Variants in WRN observed in about 807,000 individuals in gnomAD.
The protein encoded by WRN is WRN RecQ like helicase.
In WRN, 149 loss-of-function variants were observed where a neutral mutation model predicts 180.7. The ratio of observed to expected loss-of-function variants is 0.82; its 90% CI spans 0.72 to 0.94. WRN has a LOEUF of 0.94. Ranked by LOEUF, WRN falls within the 40% of genes least tolerant of loss-of-function variation. The pLI, the probability that WRN is intolerant of heterozygous loss-of-function variation, is 0.00. For synonymous variants in WRN, 548 were observed against 568.9 expected, an observed-to-expected ratio of 0.96 and a Z score of 0.52; for missense variants, 1,661 against 1,700.1, an observed-to-expected ratio of 0.98 and a Z score of 0.40.
In WRN at chr8:31,158,941, A is replaced by G. The variant is rs564518295; in HGVS notation, c.3982+1411A>G. Among the ~76,000 whole-genome samples the G allele has an allele frequency of 3.3e-5, 5 of 152,294 alleles. No individual in the cohort carries two copies. The East Asian group carries it at 9.6e-4, about 29-fold the overall frequency. The stretch of plus-strand genomic sequence containing the variant: ...GTTATGTCAATGTCATGTTTGAAAT[A>G]GAAAACCAAATACTGCATGTTCTTA... On this transcript the variant is annotated intron_variant, in intron 33 of 34. Coordinates refer to ENST00000298139, the MANE Select transcript of WRN (RefSeq NM_000553.6).
In WRN at chr8:31,076,282, A is replaced by T. The variant is rs527842476; in HGVS notation, c.834A>T (p.Pro278=). 2.1e-5 allele frequency: 34 copies of T among 1,611,352 alleles called. No individual in the cohort carries two copies. In the African/African-American group the frequency reaches 4.3e-4, roughly 20 times the overall value. ...LPHAFSKLEN[P]RRVSILLKDI... is the part of the protein sequence containing the mutation. ...ATGCTTTCAGTAAATTGGAAAACCCACGGAGGTTAAATATTACCTTTTTTT... is the reference window on the plus strand; with the variant it reads ...ATGCTTTCAGTAAATTGGAAAACCCTCGGAGGTTAAATATTACCTTTTTTT... The change falls in exon 8 of 35, where the codon CCA becomes CCT. Residue 278 remains proline (P), a synonymous_variant. Transcript: ENST00000298139.
At chr8:31,036,479 G>A (rs909587037) in intron 1 of WRN, among the ~76,000 whole-genome samples, 2 of 152,278 alleles carry the variant, frequency 1.3e-5, no homozygotes, top group South Asian at 2.1e-4. Flanking sequence ...CAACAGCGAG[G>A]AAGGAGTTCC....
chr8:31,036,836 G>T (rs946545173), intron 1 of WRN, among the ~76,000 whole-genome samples: 2 of 152,090 alleles, frequency 1.3e-5, no homozygotes, highest in African/African-American at 4.8e-5. Context: ...TGAATTTGCT[G>T]TGCAGAGAAG....
At chr8:31,139,928 C>T (rs1802542920) in intron 24 of WRN, among the ~76,000 whole-genome samples, 1 of 145,828 alleles carries the variant, frequency 6.9e-6, no homozygotes, top group Non-Finnish European at 1.5e-5. Context: ...CCTTGAATTA[C>T]AATCGGCCAC....
intron 24 of WRN, among the ~76,000 whole-genome samples, chr8:31,136,961 T>C (rs1270431733): frequency 1.3e-5 from 2 of 152,152 alleles, no homozygotes; most frequent in Non-Finnish European, 2.9e-5. Context: ...CAAAATTAAC[T>C]AAACACTTAA....
In WRN at chr8:31,162,246, C is replaced by T. The variant is rs144546859; in HGVS notation, c.3982+4716C>T. On this transcript the variant is annotated intron_variant, in intron 33 of 34. Coordinates refer to ENST00000298139, the MANE Select transcript of WRN (RefSeq NM_000553.6). ...ACAAATATATTTTCTTTATATCCTTCTTCTCTAAGATTTTTTCTGTTTTTG... is the reference window on the plus strand; with the variant it reads ...ACAAATATATTTTCTTTATATCCTTTTTCTCTAAGATTTTTTCTGTTTTTG... 4.2e-3 allele frequency among the ~76,000 whole-genome samples: 646 copies of T among 152,240 alleles called. 5 individuals carry two copies. The highest frequency in any genetic ancestry group is 0.01 in the Middle Eastern group (3 of 294).
rs769317785 is a variant in WRN at position 31,064,980 on chromosome 8, G to A, written c.421G>A (p.Glu141Lys). 15 of 1,613,742 alleles carry A rather than the reference G, an allele frequency of 9.3e-6. No homozygotes were observed. The highest frequency in any genetic ancestry group is 1.7e-4 in the Middle Eastern group (1 of 6,054). Residue 141 changes from glutamate (E) to lysine (K), a missense_variant, in exon 5 of 35, where the codon GAA becomes AAA. This residue lies in a region of WRN where 500 missense variants were observed against 504.1 expected (regional missense o/e 0.99). Coordinates refer to ENST00000298139, the MANE Select transcript of WRN (RefSeq NM_000553.6). ...AGTTAAAAAGGCAGGTGTAGGAATT[G>A]AAGGAGATCAGTGGAAACTTCTACG... is the stretch of plus-strand genomic sequence containing the variant. ...KAVKKAGVGI[E>K]GDQWKLLRDF... is the part of the protein sequence containing the mutation.
chr8:31,118,866 C>T (rs1801615281), intron 20 of WRN, among the ~76,000 whole-genome samples: 1 of 151,698 alleles, frequency 6.6e-6, no homozygotes, highest in Non-Finnish European at 1.5e-5. Context: ...TGCCTTGAGT[C>T]CTTTCTTTTT....
intron 4 of WRN, among the ~76,000 whole-genome samples, chr8:31,064,654 A>T (rs1489861048): frequency 2.0e-5 from 3 of 152,194 alleles, no homozygotes; most frequent in African/African-American, 7.2e-5. Context: ...GAGAAGAGAA[A>T]ACTGAAATTT....
intron 3 of WRN, among the ~76,000 whole-genome samples, chr8:31,061,144 A>C (rs1044852263): frequency 2.6e-5 from 4 of 151,824 alleles, no homozygotes; most frequent in African/African-American, 4.8e-5. Flanking sequence ...CTTTCCTTTC[A>C]GTCTTTTCTT....
chr8:31,088,912 T>G lies in WRN; in HGVS notation c.1599T>G (p.Asn533Lys). 6.2e-7 allele frequency: 1 copy of G among 1,611,514 alleles called. No individual in the cohort carries two copies. The highest frequency in any genetic ancestry group is 1.3e-5 in the African/African-American group (1 of 74,996). ...CAGACTTTTTGTGGCCAGCACCCAA[T>G]GAAGAGCAAGTTACTTGCCTCAAGA... ...DDKDFLWPAPNEEQVTCLKMY... is the reference protein window; with the variant it reads ...DDKDFLWPAPKEEQVTCLKMY... The change falls in exon 13 of 35, where the codon AAT (asparagine) becomes AAG (lysine). Residue 533 changes from asparagine to lysine, a missense_variant. Asn to Lys is a moderately conservative substitution (Grantham distance 94, BLOSUM62 0). This residue lies in a region of WRN where 1,141 missense variants were observed against 1,149.4 expected (regional missense o/e 0.99). Coordinates refer to ENST00000298139, the MANE Select transcript of WRN (RefSeq NM_000553.6).
chr8:31,058,299 G>C, intron 1 of WRN, 73 bp from the exon 2 acceptor site: 1 of 654,228 alleles, frequency 1.5e-6, no homozygotes, highest in Non-Finnish European at 2.7e-6. Context: ...ACCTATGCTT[G>C]GACCTAGGTG....
chr8:31,153,311 G>A (rs1311078046), intron 31 of WRN, among the ~76,000 whole-genome samples: 2 of 152,106 alleles, frequency 1.3e-5, no homozygotes, highest in Non-Finnish European at 2.9e-5. Flanking sequence ...AGATTGCAAG[G>A]ATGAGGACTG....
chr8:31,077,269 CTCG>C (rs1813131558), intron 8 of WRN, among the ~76,000 whole-genome samples: 1 of 151,866 alleles, frequency 6.6e-6, no homozygotes, highest in African/African-American at 2.4e-5. Context: ...TGAGACGAGT[CTCG>C]CTTTGTTGCC....
intron 23 of WRN, among the ~76,000 whole-genome samples, chr8:31,132,032 G>C (rs1213594708): frequency 6.6e-6 from 1 of 150,982 alleles, no homozygotes; most frequent in Non-Finnish European, 1.5e-5. Flanking sequence ...CAAGTAAGTG[G>C]AGCTGTTCTA....
intron 1 of WRN, among the ~76,000 whole-genome samples, chr8:31,041,961 G>C (rs1463703465): frequency 6.6e-6 from 1 of 152,172 alleles, no homozygotes; most frequent in Non-Finnish European, 1.5e-5. Context: ...ATTTGAGGGA[G>C]TATGCAAGGA....
chr8:31,154,885 T>G, intron 32 of WRN, 130 bp downstream of exon 32: 2 of 1,199,742 alleles, frequency 1.7e-6, no homozygotes, highest in Non-Finnish European at 2.3e-6. Flanking sequence ...TCAGTTTATC[T>G]TTAATTTTAA....
intron 1 of WRN, among the ~76,000 whole-genome samples, chr8:31,054,650 T>C (rs1345042403): frequency 6.6e-6 from 1 of 152,132 alleles, no homozygotes; most frequent in African/African-American, 2.4e-5. Flanking sequence ...CCAAAGCAAA[T>C]CATAATACGT....
At chr8:31,041,184 C>T (rs1273034910) in intron 1 of WRN, among the ~76,000 whole-genome samples, 1 of 152,090 alleles carries the variant, frequency 6.6e-6, no homozygotes, top group Non-Finnish European at 1.5e-5. Flanking sequence ...GAGACATACC[C>T]ACGGGAGCTA....
Sources: gnomAD v4.1 joint callset for allele counts (sites outside exome capture counted in the v4.1 genomes callset) on GRCh38, gnomAD v4.1.1 for gene constraint, gnomAD v4.1.1 regional missense constraint, MANE v1.5 for transcripts, NCBI Gene and HGNC (gene_info 2026-07-23, HGNC 2026-07-21) for gene names.